ZNF850: variants seen among roughly 807,000 people sequenced by gnomAD.
ZNF850 encodes zinc finger protein 850.
A neutral mutation model predicts 11.9 loss-of-function variants in ZNF850; 2 were observed. The ratio of observed to expected loss-of-function variants is 0.17; its 90% CI spans 0.07 to 0.53. The LOEUF is 0.53. Among genes scored for constraint, ZNF850 ranks in the 20% least tolerant of loss-of-function variants. The pLI, the probability that ZNF850 is intolerant of heterozygous loss-of-function variation, is 0.94. For synonymous variants in ZNF850, 381 were observed against 443.0 expected, an observed-to-expected ratio of 0.86 and a Z score of 1.76; for missense variants, 1,014 against 1,316.4, an observed-to-expected ratio of 0.77 and a Z score of 3.55.
Position 36,762,522 on chromosome 19 carries a change from G to C in ZNF850, c.12+73C>G, listed in dbSNP as rs531423005. ...ATGGAAGGGTGCTGAAGGATGGAGA[G>C]AATACAGTGAGCAGACCAGCTAGGA... On this transcript the variant is annotated intron_variant, in intron 2 of 4. Transcript: ENST00000591344. The C allele has an allele frequency of 3.7e-5, 57 of 1,536,080 alleles. No individual in the cohort carries two copies. The South Asian group carries it at 5.8e-4, about 16-fold the overall frequency.
At chr19:36,764,725 C>CTTT (rs35367899) in intron 1 of ZNF850, among the ~76,000 whole-genome samples, 11 of 126,812 alleles carry the variant, frequency 8.7e-5, no homozygotes, top group African/African-American at 1.2e-4. Flanking sequence ...TTTCCTTTCC[C>CTTT]TTTTTTTTTT....
chr19:36,766,189 G>A (rs1463720086), intron 1 of ZNF850, among the ~76,000 whole-genome samples: 2 of 152,196 alleles, frequency 1.3e-5, no homozygotes, highest in African/African-American at 4.8e-5. Context: ...ACTGAGCCAG[G>A]CCAGAGAATT....
chr19:36,745,252 T>C lies in ZNF850; in HGVS notation c.*2515A>G, dbSNP rs1389534959. ...AAAGTACAAATCAACAGATATGTTT[T>C]AGAGAAGTGTTAAATTTTTTAAACG... is the stretch of plus-strand genomic sequence containing the variant. On this transcript the variant is annotated 3_prime_UTR_variant, in exon 5 of 5. Transcript: ENST00000591344. 6.6e-6 allele frequency: 1 copy of C among 152,150 alleles called. No homozygotes were observed. Among genetic ancestry groups the C allele is most frequent in the African/African-American group, 2.4e-5 (1 of 41,436 alleles). The allele number at this position is 152,150 out of a possible 1,614,324, so 9.4% of individuals were successfully genotyped here.
Position 36,750,302 on chromosome 19 carries a change from C to T in ZNF850, c.738G>A (p.Met246Ile). The T allele has an allele frequency of 6.5e-7, 1 of 1,536,672 alleles. No individual in the cohort carries two copies. The highest frequency in any genetic ancestry group is 8.7e-7 in the Non-Finnish European group (1 of 1,146,904). ...ACTCATGAGGTCTCTCATCTGTATACATTTTCTGGTGTTGAATAAGATGTG... is the reference window on the plus strand; with the variant it reads ...ACTCATGAGGTCTCTCATCTGTATATATTTTCTGGTGTTGAATAAGATGTG... ...SGSHLIQHQK[M>I]YTDERPHECQ... The change falls in exon 5 of 5, where the codon ATG (methionine) becomes ATA (isoleucine). Residue 246 changes from methionine to isoleucine, a missense_variant. By Grantham distance (10) the Met-to-Ile change is conservative. Around this residue, in one of 2 missense-constraint regions of ZNF850, gnomAD observed 835 missense variants for 1,022.0 expected, o/e 0.82. Coordinates refer to ENST00000591344, the MANE Select transcript of ZNF850 (RefSeq NM_001193552.2).
In ZNF850 at chr19:36,747,945, G is replaced by T; in HGVS notation, c.3095C>A (p.Thr1032Asn). The change falls in exon 5 of 5, where the codon ACT (threonine) becomes AAT (asparagine). Residue 1032 changes from threonine to asparagine, a missense_variant. Physicochemically the swap from Thr to Asn is moderately conservative, Grantham distance 65 (BLOSUM62 0). Transcript: ENST00000591344. ...SQLSQHKRIH[T>N]GEKTYQCPEC... ...CGGACATTGATAAGTTTTCTCACCA[G>T]TATGGATTCGTTTATGTTGACTAAG... The T allele has an allele frequency of 6.4e-7, 1 of 1,571,510 alleles. No homozygotes were observed.
At position 36,748,474 on chromosome 19, in the gene ZNF850, G is replaced by A; in HGVS notation, c.2566C>T (p.Leu856=). Residue 856 remains leucine (L), a synonymous_variant, in exon 5 of 5, where the codon CTA becomes TTA. Coordinates refer to ENST00000591344, the MANE Select transcript of ZNF850 (RefSeq NM_001193552.2). Reference sequence around the variant, plus strand: ...GTGTGAATTCGCTGATGTTCAATTAGTGTTGAGCGAGAAGTAAAAGATTTC... The same window carrying A: ...GTGTGAATTCGCTGATGTTCAATTAATGTTGAGCGAGAAGTAAAAGATTTC... The part of the protein sequence containing the change: ...CGKSFTSRST[L]IEHQRIHTGE... 6.5e-7 allele frequency: 1 copy of A among 1,545,308 alleles called. No homozygotes were observed. The highest frequency in any genetic ancestry group is 8.7e-7 in the Non-Finnish European group (1 of 1,150,274).
In ZNF850 at chr19:36,748,817, G is replaced by C. The variant is rs2040431323; in HGVS notation, c.2223C>G (p.His741Gln). Residue 741 changes from histidine (H) to glutamine (Q), a missense_variant, in exon 5 of 5, where the codon CAC becomes CAG. By Grantham distance (24) the His-to-Gln change is conservative (BLOSUM62 0). This residue lies in a region of ZNF850 where 835 missense variants were observed against 1,022.0 expected (regional missense o/e 0.82). Coordinates refer to ENST00000591344, the MANE Select transcript of ZNF850 (RefSeq NM_001193552.2). The stretch of plus-strand genomic sequence containing the variant: ...TTTGCTGATGTTGAATTAGTGTTGA[G>C]TGAGAAGTAAAAGATTTCCCACATT... ...GKECGKSFTS[H>Q]STLIQHQQIH... The C allele has an allele frequency of 6.5e-7, 1 of 1,547,790 alleles. No homozygotes were observed. The highest frequency in any genetic ancestry group is 8.7e-7 in the Non-Finnish European group (1 of 1,151,382).
In ZNF850 at chr19:36,749,872, C is replaced by T; in HGVS notation, c.1168G>A (p.Glu390Lys). The change falls in exon 5 of 5, where the codon GAG (glutamate) becomes AAG (lysine). Residue 390 changes from glutamate to lysine, a missense_variant. Coordinates refer to ENST00000591344, the MANE Select transcript of ZNF850 (RefSeq NM_001193552.2). ...CATTCCTTACAATCATAGGGTTTCT[C>T]ACCAGTGTGAATTCGCTGATGTCGA... is the stretch of plus-strand genomic sequence containing the variant. ...LIRHQRIHTG[E>K]KPYDCKECGK... is the part of the protein sequence containing the mutation. 1 of 1,580,788 alleles carries T rather than the reference C, an allele frequency of 6.3e-7. No homozygotes were observed. The highest frequency in any genetic ancestry group is 8.6e-7 in the Non-Finnish European group (1 of 1,165,586).
Position 36,750,752 on chromosome 19 carries a change from A to G in ZNF850, c.288T>C (p.Tyr96=), listed in dbSNP as rs2040448808. 6.5e-7 allele frequency: 1 copy of G among 1,527,750 alleles called. No homozygotes were observed. The highest frequency in any genetic ancestry group is 8.8e-7 in the Non-Finnish European group (1 of 1,142,400). 94.6% of individuals were successfully genotyped at this position (1,527,750 alleles called of 1,614,324 possible). Residue 96 remains tyrosine (Y), a synonymous_variant, in exon 5 of 5, where the codon TAT becomes TAC. Coordinates refer to ENST00000591344, the MANE Select transcript of ZNF850 (RefSeq NM_001193552.2). ...TCACCCACTGAGATGATGTTACTTC[A>G]TAGATTTCTTTTGGCAAACATGAAT... ...TKDSCLPKEI[Y]EVTSSQWVRM... is the part of the protein sequence containing the mutation.
Position 36,749,079 on chromosome 19 carries a change from A to G in ZNF850, c.1961T>C (p.Phe654Ser), listed in dbSNP as rs2040433615. The G allele has an allele frequency of 6.2e-7, 1 of 1,604,842 alleles. No individual in the cohort carries two copies. The highest frequency in any genetic ancestry group is 8.5e-7 in the Non-Finnish European group (1 of 1,176,826). The change falls in exon 5 of 5, where the codon TTT becomes TCT. Residue 654 changes from phenylalanine (F) to serine (S), a missense_variant. Phe to Ser is a radical substitution (Grantham distance 155, BLOSUM62 -2). Transcript: ENST00000591344. ...TTGGGTGAGTCCTGAGACACTGACA[A>G]AGGCTTTCCCACATTCCTGACATTG... ...PYQCQECGKA[F>S]VSVSGLTQHH...
chr19:36,762,836 C>T (rs2145966123), intron 1 of ZNF850, among the ~76,000 whole-genome samples, 161 bp from the exon 2 acceptor site: 1 of 152,014 alleles, frequency 6.6e-6, no homozygotes, highest in African/African-American at 2.4e-5. Flanking sequence ...TAAACAGGCA[C>T]TCCTCCCTTA....
Position 36,750,515 on chromosome 19 carries a change from A to T in ZNF850, c.525T>A (p.Cys175Ter). ...PGEKLYKSTECMAFKYGSELT... is the reference protein window; with the variant it reads ...PGEKLYKSTE ...GTTCTGAGCCATACTTAAAAGCCAT[A>T]CATTCTGTGGATTTATACAGTTTCT... The change falls in exon 5 of 5, where the codon TGT (cysteine) becomes TGA (stop). Residue 175 changes from cysteine to a stop codon, truncating the protein, a stop_gained. Transcript: ENST00000591344. LOFTEE classifies it low-confidence loss of function (END_TRUNC). 1 of 1,536,230 alleles carries T rather than the reference A, an allele frequency of 6.5e-7. No homozygotes were observed. The highest frequency in any genetic ancestry group is 8.7e-7 in the Non-Finnish European group (1 of 1,146,920).
chr19:36,752,066 A>G (rs571457509), intron 4 of ZNF850, among the ~76,000 whole-genome samples: 23 of 152,348 alleles, frequency 1.5e-4, no homozygotes, highest in Admixed American at 2.6e-4. Context: ...TCAGTATCTA[A>G]AAATTAAAAA....
intron 4 of ZNF850, among the ~76,000 whole-genome samples, chr19:36,758,492 G>A (rs1182922848): frequency 2.0e-5 from 3 of 151,610 alleles, no homozygotes; most frequent in African/African-American, 2.4e-5. Flanking sequence ...AATCAATTCC[G>A]TGCCTCAGTC....
intron 4 of ZNF850, among the ~76,000 whole-genome samples, chr19:36,757,105 GGTCTGTTCCTA>G: frequency 6.6e-6 from 1 of 152,210 alleles, no homozygotes; most frequent in Non-Finnish European, 1.5e-5. Flanking sequence ...TGTCAGAGAT[GGTCTGTTCCTA>G]GCCAGCAATG....
At chr19:36,756,826 G>A (rs1050131515) in intron 4 of ZNF850, among the ~76,000 whole-genome samples, 1 of 152,138 alleles carries the variant, frequency 6.6e-6, no homozygotes, top group Non-Finnish European at 1.5e-5. Flanking sequence ...ATGTTGACCA[G>A]GCTGGTGTCG....
rs777850090 is a variant in ZNF850, at chr19:36,750,312, T to A, written c.728A>T (p.His243Leu). ...AFISGSHLIQ[H>L]QKMYTDERPH... ...TCTCTCATCTGTATACATTTTCTGGTGTTGAATAAGATGTGAGCCAGAAAT... is the reference window on the plus strand; with the variant it reads ...TCTCTCATCTGTATACATTTTCTGGAGTTGAATAAGATGTGAGCCAGAAAT... Residue 243 changes from histidine (H) to leucine (L), a missense_variant, in exon 5 of 5, where the codon CAC becomes CTC. Physicochemically the swap from His to Leu is moderately conservative, Grantham distance 99. Coordinates refer to ENST00000591344, the MANE Select transcript of ZNF850 (RefSeq NM_001193552.2). 1.5e-4 allele frequency: 228 copies of A among 1,536,518 alleles called. No homozygotes were observed. Among genetic ancestry groups the A allele is most frequent in the Non-Finnish European group, 1.8e-4 (210 of 1,146,918 alleles).
intron 4 of ZNF850, among the ~76,000 whole-genome samples, chr19:36,756,695 C>T (rs1212171511): frequency 1.3e-5 from 2 of 152,120 alleles, no homozygotes; most frequent in Admixed American, 6.6e-5. Flanking sequence ...CTCACTGCAA[C>T]CTCCGCCTCC....
At position 36,762,297 on chromosome 19, in the gene ZNF850, A is replaced by C; in HGVS notation, c.139+8T>G. 6.6e-7 allele frequency: 1 copy of C among 1,526,664 alleles called. No homozygotes were observed. The highest frequency in any genetic ancestry group is 8.7e-7 in the Non-Finnish European group (1 of 1,145,374). 94.6% of individuals were successfully genotyped at this position (1,526,664 alleles called of 1,614,324 possible). On this transcript the variant is annotated splice_region_variant and intron_variant, in intron 3 of 4. Coordinates refer to ENST00000591344, the MANE Select transcript of ZNF850 (RefSeq NM_001193552.2). Reference sequence around the variant, plus strand: ...ATTCATGAGTTATTTGCGGATAGACATCCTTACCTAGTGAGACCAGGCTGC... The same window carrying C: ...ATTCATGAGTTATTTGCGGATAGACCTCCTTACCTAGTGAGACCAGGCTGC...
Sources: allele counts gnomAD v4.1 joint callset (sites outside exome capture counted in the v4.1 genomes callset), GRCh38; gene constraint gnomAD v4.1.1; regional missense constraint gnomAD v4.1.1; transcripts MANE v1.5; gene names NCBI Gene and HGNC (gene_info 2026-07-23, HGNC 2026-07-21).